RAPGEF1: variants seen among roughly 807,000 people sequenced by gnomAD.
RAPGEF1 encodes the protein CRK SH3-binding GNRP.
A neutral mutation model predicts 143.3 loss-of-function variants in RAPGEF1; 33 were observed. That is an observed-to-expected ratio of 0.23 (90% confidence interval 0.17 to 0.31). The LOEUF is 0.31. Among genes scored for constraint, RAPGEF1 ranks in the 10% least tolerant of loss-of-function variants. RAPGEF1 has a pLI of 1.00. For missense variants in RAPGEF1, 1,199 were observed against 1,645.4 expected (o/e 0.73, Z 4.69); for synonymous variants, 629 against 676.5 (o/e 0.93, Z 1.09).
chr9:131,601,371 A>G (rs1956256858), intron 15 of RAPGEF1, among the ~76,000 whole-genome samples: 1 of 152,136 alleles, frequency 6.6e-6, no homozygotes, highest in Non-Finnish European at 1.5e-5. Flanking sequence ...TACACTCCCT[A>G]TCAACTTGAA....
intron 1 of RAPGEF1, among the ~76,000 whole-genome samples, chr9:131,695,588 C>T (rs949651888): frequency 7.9e-5 from 12 of 152,304 alleles, no homozygotes; most frequent in Admixed American, 3.3e-4. Context: ...CGTTTAGCTG[C>T]CAATCCTAAC....
At chr9:131,728,478 G>C (rs1445161288) in intron 1 of RAPGEF1, among the ~76,000 whole-genome samples, 1 of 152,200 alleles carries the variant, frequency 6.6e-6, no homozygotes, top group Non-Finnish European at 1.5e-5. Context: ...TGCAAGCACA[G>C]GCCCATTCCT....
At chr9:131,619,468 C>T (rs1309628518) in intron 11 of RAPGEF1, among the ~76,000 whole-genome samples, 6 of 152,126 alleles carry the variant, frequency 3.9e-5, no homozygotes, top group South Asian at 2.1e-4. Context: ...GGAAGGAGGA[C>T]GAGGGGGCTG....
intron 10 of RAPGEF1, among the ~76,000 whole-genome samples, chr9:131,624,627 G>C (rs368285318): frequency 6.6e-6 from 1 of 152,242 alleles, no homozygotes; most frequent in African/African-American, 2.4e-5. Context: ...GGAAGGAAAG[G>C]GGGTGAACCT....
intron 1 of RAPGEF1, among the ~76,000 whole-genome samples, chr9:131,726,898 A>G (rs758810366): frequency 2.0e-4 from 31 of 152,116 alleles, no homozygotes; most frequent in Admixed American, 1.2e-3. Context: ...CAGCTACTCA[A>G]GAGGCTGAAA....
chr9:131,642,332 A>G (rs867077948), intron 4 of RAPGEF1, among the ~76,000 whole-genome samples: 2 of 152,136 alleles, frequency 1.3e-5, no homozygotes, highest in Non-Finnish European at 2.9e-5. Context: ...GCTTTCTCAT[A>G]CCAGAAGCAG....
chr9:131,608,965 G>C (rs567810271), intron 12 of RAPGEF1, among the ~76,000 whole-genome samples: 1 of 152,196 alleles, frequency 6.6e-6, no homozygotes, highest in African/African-American at 2.4e-5. Context: ...GCTCGTGCCC[G>C]GGTTTGCTTC....
chr9:131,604,889 T>C (rs1247231107), intron 13 of RAPGEF1, 42 bp downstream of exon 13: 1 of 610,310 alleles, frequency 1.6e-6, no homozygotes, highest in African/African-American at 2.0e-5. Context: ...TGCAGGGGTG[T>C]GTGTGTGTGT....
Position 131,605,113 on chromosome 9 carries a change from G to A in RAPGEF1, c.2137C>T (p.Pro713Ser), listed in dbSNP as rs753833622. ...HQASVPPFLPPTSSSSPHFPP... is the reference protein window; with the variant it reads ...HQASVPPFLPSTSSSSPHFPP... Reference sequence around the variant, plus strand: ...AAATGTGGAGAGGAAGAGGAGGTAGGCGGAAGGAAAGGCGGAACGGAAGCT... The same window carrying A: ...AAATGTGGAGAGGAAGAGGAGGTAGACGGAAGGAAAGGCGGAACGGAAGCT... Residue 713 changes from proline to serine, a missense_variant, in exon 13 of 27, where the codon CCT becomes TCT. Transcript: ENST00000683357. The A allele has an allele frequency of 2.4e-5, 33 of 1,364,728 alleles. No individual in the cohort carries two copies. The highest frequency in any genetic ancestry group is 2.9e-5 in the Non-Finnish European group (30 of 1,021,208). 84.5% of individuals were successfully genotyped at this position (1,364,728 alleles called of 1,614,324 possible).
intron 1 of RAPGEF1, among the ~76,000 whole-genome samples, chr9:131,710,153 C>T (rs1231848320): frequency 6.6e-6 from 1 of 152,168 alleles, no homozygotes; most frequent in African/African-American, 2.4e-5. Context: ...CATACAGACC[C>T]TTATGCCACG....
intron 5 of RAPGEF1, among the ~76,000 whole-genome samples, chr9:131,634,797 T>TCTGGTG (rs1965910614): frequency 1.4e-5 from 2 of 147,622 alleles, no homozygotes; most frequent in Admixed American, 6.8e-5. Context: ...AAAATACAGC[T>TCTGGTG]CTGGTGCTCA....
rs1196710055 is a variant in RAPGEF1, at chr9:131,655,962, A to G, written c.62-5013T>C. Among the ~76,000 whole-genome samples, 1 of 152,162 alleles carries G rather than the reference A, an allele frequency of 6.6e-6. No homozygotes were observed. Among genetic ancestry groups the G allele is most frequent in the Non-Finnish European group, 1.5e-5 (1 of 68,026 alleles). On this transcript the variant is annotated intron_variant, in intron 1 of 26. Transcript: ENST00000683357. The surrounding 1 kb of genome is among the most constrained non-coding windows in gnomAD (Gnocchi z 4.1). ...CAAATACTTAGATATCATCTCTCTA[A>G]ATCTTTCCCTTATTTTGTCTGGAAA...
At chr9:131,691,372 A>T (rs968075166) in intron 1 of RAPGEF1, among the ~76,000 whole-genome samples, 6 of 152,180 alleles carry the variant, frequency 3.9e-5, no homozygotes, top group African/African-American at 1.4e-4. Flanking sequence ...GAGAAACATT[A>T]CTCCAATTAG....
At chr9:131,669,971 C>A (rs1424386364) in intron 1 of RAPGEF1, among the ~76,000 whole-genome samples, 1 of 152,194 alleles carries the variant, frequency 6.6e-6, no homozygotes, top group African/African-American at 2.4e-5. Context: ...ACAGCAATGA[C>A]TAGGACCACT....
chr9:131,588,087 G>T, intron 20 of RAPGEF1, 61 bp from the exon 21 acceptor site: 1 of 1,386,054 alleles, frequency 7.2e-7, no homozygotes, highest in Non-Finnish European at 1.0e-6. Flanking sequence ...GGAGGGCTGA[G>T]CAGGCCCGGG....
intron 12 of RAPGEF1, among the ~76,000 whole-genome samples, chr9:131,613,639 G>A (rs1173969671): frequency 6.6e-6 from 1 of 152,190 alleles, no homozygotes; most frequent in Non-Finnish European, 1.5e-5. Context: ...CAGGACAAGA[G>A]TGAATGGGCA....
rs114845091 is a variant in RAPGEF1 at position 131,598,171 on chromosome 9, G to A, written c.2613+28C>T. ...CTGCTCTCCTCTGTGGGGCCAGGCTGCAAAGCCCCAGCCCGGGAAGTTCTC... is the reference window on the plus strand; with the variant it reads ...CTGCTCTCCTCTGTGGGGCCAGGCTACAAAGCCCCAGCCCGGGAAGTTCTC... On this transcript the variant is annotated intron_variant, in intron 16 of 26. Transcript: ENST00000683357. 3.1e-4 allele frequency: 486 copies of A among 1,592,790 alleles called. 1 individual carries two copies. In the African/African-American group the frequency reaches 5.0e-3, roughly 16 times the overall value.
chr9:131,582,780 CCTCA>C, intron 24 of RAPGEF1, 78 bp from the exon 25 acceptor site: 1 of 1,300,412 alleles, frequency 7.7e-7, no homozygotes, highest in African/African-American at 1.6e-5. Flanking sequence ...CCCTGGTCCT[CCTCA>C]CTAACTGGAG....
At chr9:131,718,916 C>T (rs1836057058) in intron 1 of RAPGEF1, among the ~76,000 whole-genome samples, 1 of 152,184 alleles carries the variant, frequency 6.6e-6, no homozygotes, top group Non-Finnish European at 1.5e-5. Flanking sequence ...AAACCCTTTA[C>T]AGAGCACGTA....
Sources: gnomAD v4.1 joint callset for allele counts (sites outside exome capture counted in the v4.1 genomes callset) on GRCh38, gnomAD v4.1.1 for gene constraint, Gnocchi (gnomAD v3.1) non-coding constraint, MANE v1.5 for transcripts, NCBI Gene and HGNC (gene_info 2026-07-23, HGNC 2026-07-21) for gene names.